BRWD3: variants seen among roughly 807,000 people sequenced by gnomAD.
BRWD3 encodes bromodomain and WD repeat domain containing 3.
A neutral mutation model predicts 149.7 loss-of-function variants in BRWD3; 10 were observed. The ratio of observed to expected loss-of-function variants is 0.07; its 90% CI spans 0.04 to 0.11. BRWD3 has a LOEUF of 0.11. Ranked by LOEUF, BRWD3 falls within the 10% of genes least tolerant of loss-of-function variation. BRWD3 has a pLI of 1.00. For synonymous variants in BRWD3, 504 were observed against 456.7 expected (o/e 1.10, Z -1.32); for missense variants, 940 against 1,373.2 (o/e 0.68, Z 4.99).
chrX:80,679,936 C>T (rs1286234929), intron 40 of BRWD3, among the ~76,000 whole-genome samples: 6 of 111,175 alleles, frequency 5.4e-5, no homozygotes, highest in Non-Finnish European at 1.1e-4. Context: ...CATAAGTATG[C>T]AAGATCAGAG....
At chrX:80,700,227 A>G (rs181300251) in intron 24 of BRWD3, among the ~76,000 whole-genome samples, 163 bp from the exon 25 acceptor site, 60 of 107,510 alleles carry the variant, frequency 5.6e-4, no homozygotes, top group African/African-American at 1.9e-3. Flanking sequence ...TTCAGTATTC[A>G]TGCCTACGTA....
At chrX:80,771,788 C>T (rs764007031) in intron 6 of BRWD3, among the ~76,000 whole-genome samples, 1 of 111,527 alleles carries the variant, frequency 9.0e-6, no homozygotes, top group Non-Finnish European at 1.9e-5. Flanking sequence ...ACAAACAACC[C>T]TATCAAAAAG....
chrX:80,691,070 A>C lies in BRWD3; in HGVS notation c.3585T>G (p.Leu1195=). The C allele has an allele frequency of 8.3e-7, 1 of 1,209,626 alleles. No homozygotes were observed. The highest frequency in any genetic ancestry group is 1.1e-6 in the Non-Finnish European group (1 of 894,343). The change falls in exon 31 of 41, where the codon CTT becomes CTG. Residue 1195 remains leucine (L), a synonymous_variant. Coordinates refer to ENST00000373275, the MANE Select transcript of BRWD3 (RefSeq NM_153252.5). ...AAACAGACCTGTAAAAGCGATTTTCAAGTCTCCGCCTGATGGTATTGAGGT... is the reference window on the plus strand; with the variant it reads ...AAACAGACCTGTAAAAGCGATTTTCCAGTCTCCGCCTGATGGTATTGAGGT... ...PTDLNTIRRR[L]ENRFYRRISA... is the part of the protein sequence containing the mutation.
chrX:80,801,953 T>C (rs1569293251), intron 4 of BRWD3, among the ~76,000 whole-genome samples: 1 of 107,520 alleles, frequency 9.3e-6, no homozygotes. Flanking sequence ...CCCATTTGTT[T>C]AAAAAAAAAA....
At chrX:80,694,900 G>C (rs2072662041) in intron 27 of BRWD3, among the ~76,000 whole-genome samples, 2 of 110,934 alleles carry the variant, frequency 1.8e-5, no homozygotes, top group African/African-American at 6.6e-5. Context: ...AAGACTTTGG[G>C]GGACTGTTGA....
chrX:80,726,059 CACAACATGTTTACATGTTGTCTGTATA>C (rs1373912062), intron 14 of BRWD3, among the ~76,000 whole-genome samples: 1 of 43,828 alleles, frequency 2.3e-5, no homozygotes, highest in East Asian at 7.9e-4. Flanking sequence ...GTCTATATAA[CACAACATGTTTACATGTTGTCTGTATA>C]ACAACATGTT....
chrX:80,712,995 G>A (rs1250844223), intron 20 of BRWD3, among the ~76,000 whole-genome samples: 1 of 109,121 alleles, frequency 9.2e-6, no homozygotes, highest in Non-Finnish European at 1.9e-5. Context: ...CCGCCCGGCA[G>A]CCACCCCGTC....
At chrX:80,762,254 T>C (rs1333749727) in intron 6 of BRWD3, among the ~76,000 whole-genome samples, 1 of 111,694 alleles carries the variant, frequency 9.0e-6, no homozygotes, top group East Asian at 2.8e-4. Context: ...AAACCTTGAA[T>C]GGACGTTAAA....
chrX:80,770,498 A>C (rs2073929147), intron 6 of BRWD3, among the ~76,000 whole-genome samples: 1 of 111,575 alleles, frequency 9.0e-6, no homozygotes, highest in Non-Finnish European at 1.9e-5. Flanking sequence ...CAAAGACAAA[A>C]ACCACATGAT....
chrX:80,773,001 A>G (rs1467499380), intron 6 of BRWD3, among the ~76,000 whole-genome samples: 1 of 112,197 alleles, frequency 8.9e-6, no homozygotes. Flanking sequence ...GTATAATTCC[A>G]TTGATAGAAC....
chrX:80,804,520 G>A (rs757384094), intron 4 of BRWD3, among the ~76,000 whole-genome samples: 7 of 112,000 alleles, frequency 6.3e-5, no homozygotes, highest in Non-Finnish European at 1.1e-4. Context: ...TTACAGGCAT[G>A]AGCCACCACA....
chrX:80,788,187 CA>C (rs2074136598), intron 6 of BRWD3, among the ~76,000 whole-genome samples: 1 of 109,434 alleles, frequency 9.1e-6, no homozygotes, highest in Non-Finnish European at 1.9e-5. Context: ...CTTGTAATCC[CA>C]GGGGGAGGCC....
At chrX:80,793,601 C>T (rs2074206593) in intron 5 of BRWD3, 21 bp downstream of exon 5, 2 of 1,204,434 alleles carry the variant, frequency 1.7e-6, no homozygotes, top group African/African-American at 3.5e-5. Context: ...ATATCACAGT[C>T]CTAAATTCTG....
At chrX:80,791,832 A>C in intron 6 of BRWD3, 22 bp downstream of exon 6, 1 of 1,095,765 alleles carries the variant, frequency 9.1e-7, no homozygotes, top group Admixed American at 2.2e-5. Context: ...ATCTGTTTAT[A>C]ACACACAGGT....
intron 21 of BRWD3, among the ~76,000 whole-genome samples, 180 bp from the exon 22 acceptor site, chrX:80,707,683 G>A (rs1480708149): frequency 9.0e-6 from 1 of 111,684 alleles, no homozygotes; most frequent in African/African-American, 3.3e-5. Flanking sequence ...AGTCTACTAG[G>A]TATTTCTAAA....
intron 6 of BRWD3, among the ~76,000 whole-genome samples, chrX:80,759,001 G>A (rs897045331): frequency 7.2e-5 from 8 of 111,224 alleles, no homozygotes; most frequent in Non-Finnish European, 1.3e-4. Flanking sequence ...TTTCTTCTGG[G>A]AGGTCTCTAG....
intron 6 of BRWD3, among the ~76,000 whole-genome samples, chrX:80,767,669 C>T (rs1444300037): frequency 3.6e-5 from 4 of 111,392 alleles, no homozygotes; most frequent in East Asian, 2.8e-4. Context: ...AGAGCCTCTT[C>T]TCCTCCAAAG....
chrX:80,754,501 T>C (rs1033269629), intron 6 of BRWD3, among the ~76,000 whole-genome samples: 7 of 111,797 alleles, frequency 6.3e-5, no homozygotes, highest in Non-Finnish European at 1.3e-4. Context: ...CTTTTATTTC[T>C]TCTCTCATCT....
chrX:80,713,162 G>A lies in BRWD3; in HGVS notation c.2325+2995C>T, dbSNP rs753479366. On this transcript the variant is annotated intron_variant, in intron 20 of 40. Transcript: ENST00000373275. ...CTACTGGGAAGTGAGGAGCCCCTCT[G>A]CCCGGCCACCACCCCGTCTGGGAGG... 3.6e-5 allele frequency among the ~76,000 whole-genome samples: 4 copies of A among 110,441 alleles called. No homozygotes were observed. The South Asian group carries it at 1.6e-3, about 43-fold the overall frequency.
Sources: allele counts gnomAD v4.1 joint callset (sites outside exome capture counted in the v4.1 genomes callset), GRCh38; gene constraint gnomAD v4.1.1; transcripts MANE v1.5; gene names NCBI Gene and HGNC (gene_info 2026-07-23, HGNC 2026-07-21).